Variants in RFX3 observed in about 807,000 individuals in gnomAD.
RFX3 encodes transcription factor RFX3.
RFX3 carries 14 observed loss-of-function variants against 98.6 expected under a neutral mutation model. That is an observed-to-expected ratio of 0.14 (90% CI 0.09 to 0.22). RFX3 has a LOEUF of 0.22. RFX3 is among the 10% of genes least tolerant of loss of function. The pLI is 1.00. For synonymous variants in RFX3, 383 were observed against 328.4 expected (o/e 1.17, Z -1.80); for missense variants, 639 against 926.9 (o/e 0.69, Z 4.03).
chr9:3,351,169 G>A (rs987752841), intron 2 of RFX3, among the ~76,000 whole-genome samples: 2 of 151,186 alleles, frequency 1.3e-5, no homozygotes, highest in African/African-American at 2.4e-5. Context: ...TGTTTATAAT[G>A]GAAGAGGCTA....
intron 2 of RFX3, among the ~76,000 whole-genome samples, chr9:3,376,418 A>G (rs1838500416): frequency 6.6e-6 from 1 of 152,202 alleles, no homozygotes; most frequent in Non-Finnish European, 1.5e-5. Flanking sequence ...GTTCAACAAT[A>G]GGTGAATGGA....
chr9:3,379,394 A>G (rs1838923580), intron 2 of RFX3, among the ~76,000 whole-genome samples: 2 of 152,330 alleles, frequency 1.3e-5, no homozygotes, highest in African/African-American at 4.8e-5. Context: ...ACAGTGTGGG[A>G]CCAACTAGTA....
At chr9:3,468,063 C>T (rs1848469064) in intron 1 of RFX3, among the ~76,000 whole-genome samples, 1 of 152,102 alleles carries the variant, frequency 6.6e-6, no homozygotes, top group African/African-American at 2.4e-5. Flanking sequence ...TATGTGATTA[C>T]CTTTCCAGAA....
chr9:3,233,130 C>T (rs916767033), intron 15 of RFX3, among the ~76,000 whole-genome samples: 6 of 152,202 alleles, frequency 3.9e-5, no homozygotes, highest in Non-Finnish European at 5.9e-5. Context: ...CACTGGACAA[C>T]AGCAGGCTGG....
intron 1 of RFX3, among the ~76,000 whole-genome samples, chr9:3,399,374 G>A (rs1841248266): frequency 6.6e-6 from 1 of 151,938 alleles, no homozygotes; most frequent in Admixed American, 6.6e-5. Flanking sequence ...AACTTGGGAG[G>A]CAGAGGTTGC....
intron 1 of RFX3, among the ~76,000 whole-genome samples, chr9:3,519,706 A>C (rs558392445): frequency 1.3e-5 from 2 of 152,296 alleles, no homozygotes; most frequent in South Asian, 4.1e-4. Flanking sequence ...CCTGTTATTC[A>C]CCAGTATACT....
At chr9:3,421,917 A>G (rs1384026572) in intron 1 of RFX3, among the ~76,000 whole-genome samples, 2 of 152,142 alleles carry the variant, frequency 1.3e-5, no homozygotes, top group Non-Finnish European at 2.9e-5. Context: ...TTCTGCTGAC[A>G]GGAATTGATA....
chr9:3,218,916 T>A lies in RFX3; in HGVS notation c.*6126A>T, dbSNP rs1223016242. 1 of 151,936 alleles carries A rather than the reference T, an allele frequency of 6.6e-6. No homozygotes were observed. Among genetic ancestry groups the A allele is most frequent in the Admixed American group, 6.6e-5 (1 of 15,236 alleles). 9.4% of individuals were successfully genotyped at this position (151,936 alleles called of 1,614,324 possible). A position where few individuals can be genotyped will look rare whatever the true frequency, so the allele number is the denominator to read the frequency against. On this transcript the variant is annotated 3_prime_UTR_variant, in exon 17 of 17. Transcript: ENST00000617270. The stretch of plus-strand genomic sequence containing the variant: ...TTAAATGATGGCACTTAAAAAAAAA[T>A]ACAGTATCTTAAAAAAACACAATGA...
intron 2 of RFX3, among the ~76,000 whole-genome samples, chr9:3,393,009 C>T (rs1840468039): frequency 8.8e-6 from 1 of 112,996 alleles, no homozygotes; most frequent in Non-Finnish European, 1.7e-5. Flanking sequence ...TAAAAAAACA[C>T]ATATGGTTCA....
intron 4 of RFX3, among the ~76,000 whole-genome samples, chr9:3,329,435 A>AAAAAAT (rs1832335908): frequency 6.7e-6 from 1 of 148,964 alleles, no homozygotes; most frequent in African/African-American, 2.5e-5. Flanking sequence ...AAAACAAAAA[A>AAAAAAT]CCACCAAACA....
intron 2 of RFX3, among the ~76,000 whole-genome samples, chr9:3,350,870 T>G (rs1403448264): frequency 3.3e-5 from 5 of 152,084 alleles, no homozygotes; most frequent in South Asian, 2.1e-4. Context: ...GGATTTCAAC[T>G]ATCTGACATT....
intron 1 of RFX3, among the ~76,000 whole-genome samples, chr9:3,463,672 T>G (rs1000969449): frequency 6.6e-6 from 1 of 151,814 alleles, no homozygotes; most frequent in African/African-American, 2.4e-5. Flanking sequence ...CAAAGAACTG[T>G]TTTTTTTAAA....
intron 2 of RFX3, among the ~76,000 whole-genome samples, chr9:3,374,230 T>C (rs183336602): frequency 1.3e-5 from 2 of 152,318 alleles, no homozygotes. Context: ...TTGGTGGGGA[T>C]GTGAAATGGT....
At chr9:3,408,712 C>G (rs904202478) in intron 1 of RFX3, among the ~76,000 whole-genome samples, 12 of 152,052 alleles carry the variant, frequency 7.9e-5, no homozygotes, top group Admixed American at 5.9e-4. Context: ...GTACATCACA[C>G]ATGCACACGC....
chr9:3,390,902 G>C (rs1390273439), intron 2 of RFX3, among the ~76,000 whole-genome samples: 1 of 152,078 alleles, frequency 6.6e-6, no homozygotes, highest in Non-Finnish European at 1.5e-5. Context: ...CATCATTCTA[G>C]TATATTAGGT....
intron 1 of RFX3, among the ~76,000 whole-genome samples, chr9:3,429,402 C>CTA (rs1472526570): frequency 6.7e-6 from 1 of 149,164 alleles, no homozygotes; most frequent in African/African-American, 2.4e-5. Flanking sequence ...TATACCAATA[C>CTA]TATATATATA....
chr9:3,323,437 A>G (rs952980593), intron 4 of RFX3, among the ~76,000 whole-genome samples: 1 of 152,188 alleles, frequency 6.6e-6, no homozygotes, highest in Admixed American at 6.5e-5. Flanking sequence ...TAAGTGAAGC[A>G]TTAAGTTGGT....
intron 7 of RFX3, among the ~76,000 whole-genome samples, chr9:3,284,546 C>A (rs1462987698): frequency 6.6e-6 from 1 of 151,572 alleles, no homozygotes; most frequent in Non-Finnish European, 1.5e-5. Context: ...CTTGATTACC[C>A]ATAATGCCAT....
chr9:3,339,809 T>G (rs1236957270), intron 3 of RFX3, among the ~76,000 whole-genome samples: 12 of 151,996 alleles, frequency 7.9e-5, no homozygotes, highest in East Asian at 1.9e-4. Context: ...ATCAATATCG[T>G]GAAAATGGCC....
Sources: allele counts gnomAD v4.1 joint callset (sites outside exome capture counted in the v4.1 genomes callset), GRCh38; gene constraint gnomAD v4.1.1; transcripts MANE v1.5; gene names NCBI Gene and HGNC (gene_info 2026-07-23, HGNC 2026-07-21).